Variants in KANSL2 observed in about 807,000 individuals in gnomAD.
KANSL2 encodes the protein NSL complex protein NSL2.
Under a neutral mutation model 55.6 loss-of-function variants are expected in KANSL2, and 34 were observed. The ratio of observed to expected loss-of-function variants is 0.61; its 90% confidence interval spans 0.46 to 0.81. The LOEUF is 0.81. KANSL2 is among the 40% of genes least tolerant of loss of function. The pLI, the probability that KANSL2 is intolerant of heterozygous loss-of-function variation, is 0.00. For synonymous variants in KANSL2, 209 were observed against 214.3 expected, an observed-to-expected ratio of 0.98 and a Z score of 0.22; for missense variants, 502 against 609.9, an observed-to-expected ratio of 0.82 and a Z score of 1.86.
chr12:48,668,956 A>G, intron 6 of KANSL2, 150 bp downstream of exon 6: 1 of 519,910 alleles, frequency 1.9e-6, no homozygotes, highest in African/African-American at 2.0e-5. Flanking sequence ...GAATTGCTTG[A>G]AACTGGGAGG....
rs567694800 is a variant in KANSL2 at position 48,681,542 on chromosome 12, T to A, written c.91A>T (p.Thr31Ser). ...CGAGGGTGAGAGCATGGACGATGAG[T>A]GAATGCACAAGACAGAGGTTCCTGA... ...RSQEPLSCAFTHRPCSHPRLE... is the reference protein window; with the variant it reads ...RSQEPLSCAFSHRPCSHPRLE... The change falls in exon 2 of 10, where the codon ACT becomes TCT. Residue 31 changes from threonine (T) to serine (S), a missense_variant. Transcript: ENST00000420613. 7 of 1,613,688 alleles carry A rather than the reference T, an allele frequency of 4.3e-6. No individual in the cohort carries two copies. In the South Asian group the frequency reaches 7.7e-5, roughly 18 times the overall value.
At chr12:48,673,567 G>GAAA (rs111737433) in intron 4 of KANSL2, among the ~76,000 whole-genome samples, 9 of 88,406 alleles carry the variant, frequency 1.0e-4, no homozygotes, top group African/African-American at 3.2e-4. Context: ...CTCAAAAAAA[G>GAAA]AAAAAAAAAA....
intron 7 of KANSL2, among the ~76,000 whole-genome samples, chr12:48,666,672 G>A (rs933960883): frequency 4.6e-5 from 7 of 150,964 alleles, no homozygotes; most frequent in Admixed American, 2.0e-4. Context: ...CAGCCTGGGC[G>A]ACACAGCGAG....
intron 1 of KANSL2, 99 bp downstream of exon 1, chr12:48,682,088 G>A: frequency 1.4e-6 from 1 of 703,046 alleles, no homozygotes; most frequent in Non-Finnish European, 2.6e-6. Flanking sequence ...GACTGACTCT[G>A]ACACTGCTTT....
intron 6 of KANSL2, among the ~76,000 whole-genome samples, chr12:48,668,805 G>A (rs894057307): frequency 1.3e-5 from 2 of 152,162 alleles, no homozygotes; most frequent in Non-Finnish European, 2.9e-5. Context: ...ACTTTGGGAG[G>A]CCGAGGTGGG....
intron 5 of KANSL2, 93 bp downstream of exon 5, chr12:48,671,706 G>T: frequency 7.8e-7 from 1 of 1,281,508 alleles, no homozygotes; most frequent in Non-Finnish European, 1.1e-6. Context: ...ACCTAACAAA[G>T]TATGTATCCC....
At chr12:48,670,662 A>C (rs1460154333) in intron 5 of KANSL2, among the ~76,000 whole-genome samples, 1 of 152,210 alleles carries the variant, frequency 6.6e-6, no homozygotes, top group African/African-American at 2.4e-5. Flanking sequence ...GTTTTTCTTA[A>C]AAATTTTTTT....
At chr12:48,672,411 A>ATG (rs1555155439) in intron 4 of KANSL2, among the ~76,000 whole-genome samples, 5 of 102,184 alleles carry the variant, frequency 4.9e-5, no homozygotes, top group East Asian at 3.1e-4. Flanking sequence ...ATATATACGT[A>ATG]TATATATATA....
chr12:48,669,051 T>G (rs1939656701), intron 6 of KANSL2, 55 bp downstream of exon 6: 5 of 1,366,966 alleles, frequency 3.7e-6, no homozygotes, highest in Non-Finnish European at 3.9e-6. Context: ...CTCGAAAAAA[T>G]AAAAACAATA....
intron 8 of KANSL2, among the ~76,000 whole-genome samples, chr12:48,655,355 G>A (rs984151213): frequency 2.6e-5 from 4 of 152,090 alleles, no homozygotes; most frequent in African/African-American, 9.7e-5. Flanking sequence ...TATCACTTGA[G>A]CCCAGGAGTT....
intron 1 of KANSL2, 122 bp downstream of exon 1, chr12:48,682,065 C>A: frequency 1.4e-6 from 1 of 703,032 alleles, no homozygotes. Context: ...CTCCTGGAAG[C>A]CTGCAGGAAG....
chr12:48,681,694 G>A, intron 1 of KANSL2, 53 bp from the exon 2 acceptor site: 3 of 1,609,622 alleles, frequency 1.9e-6, no homozygotes, highest in Non-Finnish European at 2.5e-6. Context: ...GAAAATTCCT[G>A]CTCCACACAG....
chr12:48,667,797 G>A lies in KANSL2; in HGVS notation c.877-8C>T, dbSNP rs1402759079. The stretch of plus-strand genomic sequence containing the variant: ...GGAACGAGTGGTATGGGCCTGAAAT[G>A]GAAAAAGACAGATAAAATAGACCCA... On this transcript the variant is annotated splice_polypyrimidine_tract_variant and splice_region_variant and intron_variant, in intron 6 of 9. Transcript: ENST00000420613. The A allele has an allele frequency of 6.2e-7, 1 of 1,601,250 alleles. No individual in the cohort carries two copies. The highest frequency in any genetic ancestry group is 8.6e-7 in the Non-Finnish European group (1 of 1,169,358).
At position 48,669,129 on chromosome 12, in the gene KANSL2, C is replaced by T; in HGVS notation, c.853G>A (p.Ala285Thr). The change falls in exon 6 of 10, where the codon GCC becomes ACC. Residue 285 changes from alanine to threonine, a missense_variant. Physicochemically the swap from Ala to Thr is moderately conservative, Grantham distance 58. Transcript: ENST00000420613. The part of the protein sequence containing the change: ...HRQLKERRML[A>T]TDGAAQQAHT... ...ACCTGTTGGGCAGCACCATCTGTGG[C>T]CAGCATTCTCCGTTCCTTCAACTGC... 1 of 1,549,280 alleles carries T rather than the reference C, an allele frequency of 6.5e-7. No homozygotes were observed. Among genetic ancestry groups the T allele is most frequent in the Admixed American group, 2.0e-5 (1 of 50,370 alleles).
At chr12:48,680,064 G>A in intron 2 of KANSL2, 1 of 445,400 alleles carries the variant, frequency 2.2e-6, no homozygotes, top group Non-Finnish European at 4.1e-6. Context: ...CAGCACTTTG[G>A]GAGGCTGAGG....
chr12:48,681,336 C>T (rs780394082), intron 2 of KANSL2, 46 bp downstream of exon 2: 8 of 1,552,742 alleles, frequency 5.2e-6, no homozygotes, highest in Admixed American at 1.9e-5. Flanking sequence ...ATATCACATA[C>T]CCCCTCGCTT....
intron 8 of KANSL2, among the ~76,000 whole-genome samples, chr12:48,659,324 G>A (rs1939447172): frequency 6.6e-6 from 1 of 150,994 alleles, no homozygotes; most frequent in Non-Finnish European, 1.5e-5. Flanking sequence ...TAGTGGCCAG[G>A]CACAGTGGTT....
intron 4 of KANSL2, among the ~76,000 whole-genome samples, chr12:48,676,129 G>C (rs1340891941): frequency 6.6e-6 from 1 of 152,072 alleles, no homozygotes; most frequent in Non-Finnish European, 1.5e-5. Context: ...CTGTGTGTAT[G>C]AGATAGGGTC....
At chr12:48,665,135 TTA>T (rs1939570461) in intron 7 of KANSL2, among the ~76,000 whole-genome samples, 1 of 152,162 alleles carries the variant, frequency 6.6e-6, no homozygotes, top group Non-Finnish European at 1.5e-5. Context: ...CACAACCATT[TTA>T]TATATTAAGA....
Sources: allele counts gnomAD v4.1 joint callset (sites outside exome capture counted in the v4.1 genomes callset), GRCh38; gene constraint gnomAD v4.1.1; transcripts MANE v1.5; gene names NCBI Gene and HGNC (gene_info 2026-07-23, HGNC 2026-07-21).